The following NR6A1 variants were observed in gnomAD, a reference collection of about 807,000 sequenced individuals.
The protein encoded by NR6A1 is retinoic acid receptor-related testis-associated receptor.
NR6A1 carries 7 observed loss-of-function variants against 59.1 expected under a neutral mutation model. That is an observed-to-expected ratio of 0.12 (90% CI 0.07 to 0.22). NR6A1 has a LOEUF of 0.22. Among genes scored for constraint, NR6A1 ranks in the 10% least tolerant of loss-of-function variants. The pLI is 1.00. For missense variants in NR6A1, 468 were observed against 611.6 expected, an observed-to-expected ratio of 0.77 and a Z score of 2.48; for synonymous variants, 243 against 236.1, an observed-to-expected ratio of 1.03 and a Z score of -0.27.
intron 2 of NR6A1, among the ~76,000 whole-genome samples, chr9:124,630,670 CTTTTTTTTTTT>C (rs71372980): frequency 5.0e-5 from 3 of 59,504 alleles, no homozygotes; most frequent in Non-Finnish European, 5.8e-5. Context: ...TACTACATTT[CTTTTTTTTTTT>C]TTTTTTTTTT....
intron 7 of NR6A1, among the ~76,000 whole-genome samples, chr9:124,531,482 C>T (rs145420135): frequency 1.9e-3 from 296 of 152,270 alleles, no homozygotes; most frequent in Non-Finnish European, 3.3e-3. Flanking sequence ...GAAGTAAAGG[C>T]CATCTGGGGG....
intron 2 of NR6A1, among the ~76,000 whole-genome samples, chr9:124,616,252 A>C (rs1564202869): frequency 1.3e-5 from 2 of 151,940 alleles, no homozygotes; most frequent in South Asian, 4.2e-4. Context: ...AAATACAAAA[A>C]TTAGCCAGGC....
chr9:124,749,861 A>G (rs1343094348), intron 1 of NR6A1, among the ~76,000 whole-genome samples: 1 of 152,246 alleles, frequency 6.6e-6, no homozygotes, highest in Non-Finnish European at 1.5e-5. Flanking sequence ...ATTAACATAC[A>G]TTAGCACAAA....
At chr9:124,698,481 C>T (rs1838835835) in intron 2 of NR6A1, 1 of 152,130 alleles carries the variant, frequency 6.6e-6, no homozygotes, top group Non-Finnish European at 1.5e-5. Context: ...GATAAGTCAT[C>T]CTCAGAGAAC....
chr9:124,733,264 A>G, intron 2 of NR6A1, 44 bp downstream of exon 2: 1 of 1,445,166 alleles, frequency 6.9e-7, no homozygotes, highest in Admixed American at 1.7e-5. Flanking sequence ...GTACACACAC[A>G]TCCTTTTCTT....
intron 7 of NR6A1, among the ~76,000 whole-genome samples, chr9:124,532,650 A>G (rs1407192814): frequency 6.6e-6 from 1 of 152,212 alleles, no homozygotes; most frequent in Non-Finnish European, 1.5e-5. Context: ...TCCACAGTAG[A>G]GTCCTAACAA....
intron 2 of NR6A1, among the ~76,000 whole-genome samples, chr9:124,702,352 G>C (rs1354641095): frequency 6.6e-6 from 1 of 151,976 alleles, no homozygotes; most frequent in East Asian, 1.9e-4. Flanking sequence ...ATCATTTCTG[G>C]AAAAAAACTA....
At chr9:124,678,842 A>T (rs1317107028) in intron 2 of NR6A1, among the ~76,000 whole-genome samples, 1 of 152,174 alleles carries the variant, frequency 6.6e-6, no homozygotes, top group African/African-American at 2.4e-5. Context: ...ATTTTAAGAA[A>T]GTAGTAAGAA....
At chr9:124,749,021 G>A (rs1034567029) in intron 1 of NR6A1, among the ~76,000 whole-genome samples, 6 of 152,194 alleles carry the variant, frequency 3.9e-5, no homozygotes, top group African/African-American at 1.4e-4. Flanking sequence ...CCAGCACTTT[G>A]GGAGGCCAAG....
chr9:124,701,956 C>T (rs1057494218), intron 2 of NR6A1, among the ~76,000 whole-genome samples: 1 of 152,110 alleles, frequency 6.6e-6, no homozygotes, highest in Admixed American at 6.5e-5. Flanking sequence ...AACTCCTGGC[C>T]TCAAGTAATC....
chr9:124,664,498 C>A (rs1447340082), intron 2 of NR6A1, among the ~76,000 whole-genome samples: 3 of 152,202 alleles, frequency 2.0e-5, no homozygotes, highest in African/African-American at 7.2e-5. Flanking sequence ...AGGTAAGAAT[C>A]TGGATATGCC....
intron 2 of NR6A1, among the ~76,000 whole-genome samples, chr9:124,649,299 C>G (rs1564218121): frequency 1.4e-5 from 2 of 146,188 alleles, no homozygotes; most frequent in Non-Finnish European, 3.0e-5. Flanking sequence ...CAGAATAAAT[C>G]CACACATTTA....
At chr9:124,638,614 C>G (rs891033993) in intron 2 of NR6A1, among the ~76,000 whole-genome samples, 1 of 152,162 alleles carries the variant, frequency 6.6e-6, no homozygotes, top group Non-Finnish European at 1.5e-5. Context: ...TCATGGGCTG[C>G]TTGAATTTGG....
intron 2 of NR6A1, among the ~76,000 whole-genome samples, chr9:124,648,087 T>A (rs1433504252): frequency 6.6e-6 from 1 of 151,914 alleles, no homozygotes; most frequent in Non-Finnish European, 1.5e-5. Flanking sequence ...CAGCAACACA[T>A]TAAAAAAAAT....
intron 2 of NR6A1, among the ~76,000 whole-genome samples, chr9:124,723,141 T>G (rs1283244256): frequency 6.6e-6 from 1 of 152,162 alleles, no homozygotes; most frequent in Admixed American, 6.6e-5. Flanking sequence ...TCCTTGATCA[T>G]TAGAATATAC....
intron 2 of NR6A1, among the ~76,000 whole-genome samples, chr9:124,689,990 C>T (rs555228936): frequency 2.6e-5 from 4 of 152,086 alleles, no homozygotes; most frequent in Non-Finnish European, 5.9e-5. Context: ...ATTCTACTGC[C>T]GAATCAGTAA....
At chr9:124,587,893 T>C (rs1055689426) in intron 2 of NR6A1, among the ~76,000 whole-genome samples, 2 of 152,154 alleles carry the variant, frequency 1.3e-5, no homozygotes, top group African/African-American at 2.4e-5. Context: ...ACCAACAGTC[T>C]CACTTGCTCT....
intron 1 of NR6A1, among the ~76,000 whole-genome samples, chr9:124,744,058 C>G (rs118157775): frequency 0.02 from 3,105 of 152,176 alleles, 117 homozygotes; most frequent in Non-Finnish European, 0.022. Context: ...GAGACCTCTA[C>G]AACAACAACA....
At chr9:124,600,744 A>C (rs1031058089) in intron 2 of NR6A1, among the ~76,000 whole-genome samples, 1 of 152,212 alleles carries the variant, frequency 6.6e-6, no homozygotes, top group Non-Finnish European at 1.5e-5. Flanking sequence ...AAAGTGTTGG[A>C]GAAACAAAGA....
Sources: allele counts gnomAD v4.1 joint callset (sites outside exome capture counted in the v4.1 genomes callset), GRCh38; gene constraint gnomAD v4.1.1; transcripts MANE v1.5; gene names NCBI Gene and HGNC (gene_info 2026-07-23, HGNC 2026-07-21).